DNAH9: variants seen among roughly 807,000 people sequenced by gnomAD.
DNAH9 encodes the protein DNAH9 variant protein.
Under a neutral mutation model 471.6 loss-of-function variants are expected in DNAH9, and 345 were observed. The observed-to-expected ratio is 0.73, with a 90% CI of 0.67 to 0.80. DNAH9 has a LOEUF of 0.80. Among genes scored for constraint, DNAH9 ranks in the 30% least tolerant of loss-of-function variants. DNAH9 has a pLI of 0.00. For missense variants in DNAH9, 5,407 were observed against 5,609.2 expected, an observed-to-expected ratio of 0.96 and a Z score of 1.15; for synonymous variants, 2,093 against 2,123.6, an observed-to-expected ratio of 0.99 and a Z score of 0.40.
At chr17:11,902,644 C>G in intron 59 of DNAH9, 75 bp from the exon 60 acceptor site, 1 of 1,323,592 alleles carries the variant, frequency 7.6e-7, no homozygotes, top group South Asian at 1.4e-5. Context: ...ACCATCTGGC[C>G]CCTCAATCCC....
At chr17:11,744,769 T>C in intron 30 of DNAH9, 28 bp from the exon 31 acceptor site, 1 of 1,588,148 alleles carries the variant, frequency 6.3e-7, no homozygotes, top group Non-Finnish European at 8.6e-7. Context: ...TCTGTCTCTC[T>C]GTCACTTTGA....
At chr17:11,701,681 TTTTG>T (rs149059895) in intron 24 of DNAH9, among the ~76,000 whole-genome samples, 9 of 152,050 alleles carry the variant, frequency 5.9e-5, no homozygotes, top group East Asian at 3.9e-4. Context: ...TTGTTTTGTT[TTTTG>T]TTTGTTTGTT....
chr17:11,668,971 A>G (rs912438175), intron 15 of DNAH9, 93 bp from the exon 16 acceptor site: 5 of 891,116 alleles, frequency 5.6e-6, no homozygotes, highest in Non-Finnish European at 8.8e-6. Context: ...CTATCTAAAG[A>G]AAAGCATTGC....
At chr17:11,882,854 C>T (rs1437628595) in intron 55 of DNAH9, 1 of 859,706 alleles carries the variant, frequency 1.2e-6, no homozygotes, top group African/African-American at 1.8e-5. Context: ...AGAGCATTCC[C>T]AGCACAGAGA....
intron 26 of DNAH9, among the ~76,000 whole-genome samples, chr17:11,717,935 A>G (rs900483551): frequency 6.6e-6 from 1 of 152,278 alleles, no homozygotes; most frequent in Non-Finnish European, 1.5e-5. Flanking sequence ...GTACAATGAC[A>G]TGATCTCAGC....
chr17:11,610,244 A>C, intron 2 of DNAH9, 152 bp from the exon 3 acceptor site: 1 of 591,192 alleles, frequency 1.7e-6, no homozygotes, highest in Non-Finnish European at 2.9e-6. Flanking sequence ...AGAGACTGTT[A>C]TCCAAAAAAG....
chr17:11,879,150 T>G (rs1434163701), intron 53 of DNAH9, among the ~76,000 whole-genome samples: 2 of 152,076 alleles, frequency 1.3e-5, no homozygotes, highest in Non-Finnish European at 1.5e-5. Context: ...GTGTTTCCCA[T>G]TACAAAAGTA....
chr17:11,668,796 CAAGGA>C (rs1349976017), intron 15 of DNAH9, among the ~76,000 whole-genome samples: 1 of 151,806 alleles, frequency 6.6e-6, no homozygotes, highest in Non-Finnish European at 1.5e-5. Context: ...TCCATGAAGA[CAAGGA>C]AAGTAAATAT....
At position 11,703,123 on chromosome 17, in the gene DNAH9, A is replaced by G. The variant is rs56382756; in HGVS notation, c.5152-1080A>G. Among the ~76,000 whole-genome samples the G allele has an allele frequency of 6.2e-3, 948 of 151,870 alleles. 5 individuals are homozygous for G. Among genetic ancestry groups the G allele is most frequent in the Middle Eastern group, 0.01 (3 of 294 alleles). On this transcript the variant is annotated intron_variant, in intron 24 of 68. Coordinates refer to ENST00000262442, the MANE Select transcript of DNAH9 (RefSeq NM_001372.4). Reference sequence around the variant, plus strand: ...AAAAAAAAAGAAAAGAAAAGAAAGTATTCACAGTGAATGTGTGTGAATAGC... The same window carrying G: ...AAAAAAAAAGAAAAGAAAAGAAAGTGTTCACAGTGAATGTGTGTGAATAGC...
Position 11,937,705 on chromosome 17 carries a change from A to T in DNAH9, c.12660+183A>T, listed in dbSNP as rs1395054735. Among the ~76,000 whole-genome samples the T allele has an allele frequency of 1.3e-5, 2 of 152,136 alleles. No individual in the cohort carries two copies. The highest frequency in any genetic ancestry group is 4.1e-4 in the South Asian group (2 of 4,824). On this transcript the variant is annotated intron_variant, in intron 66 of 68. Transcript: ENST00000262442. This position sits in a 1 kb window ranked among gnomAD's most constrained non-coding sequence, Gnocchi z 4.1. ...GAGCCTCTCCCCTCCCGTCATCACC[A>T]TGCTGGCCATCAGTTAAATCATAGG...
At chr17:11,701,978 G>A (rs1328532107) in intron 24 of DNAH9, among the ~76,000 whole-genome samples, 5 of 152,120 alleles carry the variant, frequency 3.3e-5, no homozygotes, top group South Asian at 2.1e-4. Flanking sequence ...CTCCGCGCCC[G>A]GCCATGACAG....
intron 24 of DNAH9, among the ~76,000 whole-genome samples, chr17:11,703,557 A>T (rs562973087): frequency 1.3e-5 from 2 of 152,358 alleles, no homozygotes; most frequent in East Asian, 3.9e-4. Context: ...TGCATGTTCC[A>T]TACAAAGCTT....
At chr17:11,638,500 T>C (rs977113354) in intron 9 of DNAH9, among the ~76,000 whole-genome samples, 1 of 152,146 alleles carries the variant, frequency 6.6e-6, no homozygotes, top group Non-Finnish European at 1.5e-5. Flanking sequence ...TTCTCCTGCC[T>C]CAGCTTCCAG....
At position 11,887,081 on chromosome 17, in the gene DNAH9, A is replaced by T; in HGVS notation, c.11112+116A>T. 2.9e-6 allele frequency: 4 copies of T among 1,364,548 alleles called. No homozygotes were observed. The South Asian group carries it at 6.4e-5, about 22-fold the overall frequency. 84.5% of individuals were successfully genotyped at this position (1,364,548 alleles called of 1,614,324 possible). A position where few individuals can be genotyped will look rare whatever the true frequency, so the allele number is the denominator to read the frequency against. On this transcript the variant is annotated intron_variant, in intron 57 of 68. Coordinates refer to ENST00000262442, the MANE Select transcript of DNAH9 (RefSeq NM_001372.4). The stretch of plus-strand genomic sequence containing the variant: ...TCATTAGCTATGGCAAGTCTGTAAG[A>T]TCAAAGCCAGGAGAGGAGCTATGTT...
intron 8 of DNAH9, among the ~76,000 whole-genome samples, chr17:11,633,739 G>A (rs1223440830): frequency 1.3e-5 from 2 of 152,150 alleles, no homozygotes; most frequent in African/African-American, 4.8e-5. Flanking sequence ...CAGGCAACTT[G>A]TGGGGCTGAA....
intron 49 of DNAH9, among the ~76,000 whole-genome samples, chr17:11,837,966 A>C (rs1970901655): frequency 6.6e-6 from 1 of 152,202 alleles, no homozygotes; most frequent in African/African-American, 2.4e-5. Context: ...GTGTTTGCCC[A>C]AAAGTCACCT....
chr17:11,755,245 T>C (rs1220094689), intron 33 of DNAH9, among the ~76,000 whole-genome samples: 1 of 152,202 alleles, frequency 6.6e-6, no homozygotes, highest in East Asian at 1.9e-4. Context: ...TAGTTTGAAG[T>C]CAGGTAACAT....
At chr17:11,780,779 C>T (rs966387187) in intron 38 of DNAH9, among the ~76,000 whole-genome samples, 1 of 152,190 alleles carries the variant, frequency 6.6e-6, no homozygotes, top group African/African-American at 2.4e-5. Context: ...GCACAGTGCA[C>T]GTGGTGAGGT....
chr17:11,796,397 A>G (rs893946247), intron 42 of DNAH9, among the ~76,000 whole-genome samples: 1 of 152,240 alleles, frequency 6.6e-6, no homozygotes, highest in South Asian at 2.1e-4. Flanking sequence ...AGTTTTCTAT[A>G]GTTTTTGAAA....
Sources: allele counts gnomAD v4.1 joint callset (sites outside exome capture counted in the v4.1 genomes callset), GRCh38; gene constraint gnomAD v4.1.1; non-coding constraint Gnocchi (gnomAD v3.1); transcripts MANE v1.5; gene names NCBI Gene and HGNC (gene_info 2026-07-23, HGNC 2026-07-21).